CLSTN2: variants seen among roughly 807,000 people sequenced by gnomAD.
CLSTN2 encodes the protein calsyntenin 2.
In CLSTN2, 48 loss-of-function variants were observed where a neutral mutation model predicts 101.2. The observed-to-expected ratio is 0.47, with a 90% CI of 0.38 to 0.60. The LOEUF is 0.60. CLSTN2 is among the 20% of genes least tolerant of loss of function. The pLI is 0.00. For synonymous variants in CLSTN2, 481 were observed against 463.6 expected (o/e 1.04, Z -0.48); for missense variants, 1,160 against 1,238.2 (o/e 0.94, Z 0.95).
At chr3:140,117,618 C>T (rs977865576) in intron 1 of CLSTN2, among the ~76,000 whole-genome samples, 1 of 152,182 alleles carries the variant, frequency 6.6e-6, no homozygotes, top group African/African-American at 2.4e-5. Context: ...ACAATACTTA[C>T]TGTTGTCTGC....
At chr3:140,217,467 C>T (rs1187675369) in intron 2 of CLSTN2, among the ~76,000 whole-genome samples, 2 of 152,052 alleles carry the variant, frequency 1.3e-5, no homozygotes, top group Non-Finnish European at 2.9e-5. Context: ...TTTCCGAGAT[C>T]CAGGAAAAAC....
chr3:140,458,184 G>C (rs966007723), intron 6 of CLSTN2, among the ~76,000 whole-genome samples: 4 of 112,252 alleles, frequency 3.6e-5, no homozygotes, highest in Admixed American at 9.1e-5. Flanking sequence ...TTTTTTTTTT[G>C]TAGTGGCTGA....
chr3:140,215,111 T>C (rs1559808577), intron 2 of CLSTN2, among the ~76,000 whole-genome samples: 1 of 152,230 alleles, frequency 6.6e-6, no homozygotes, highest in Admixed American at 6.5e-5. Flanking sequence ...TTTACTCTGA[T>C]GTATGACTGG....
In CLSTN2 at chr3:140,563,981, G is replaced by A. The variant is rs1250252435; in HGVS notation, c.2503G>A (p.Val835Met). 7.4e-6 allele frequency: 12 copies of A among 1,614,014 alleles called. No individual in the cohort carries two copies. Among genetic ancestry groups the A allele is most frequent in the Non-Finnish European group, 1.0e-5 (12 of 1,180,006 alleles). ...HSSVVPSIAT[V>M]VIIISVCMLV... The stretch of plus-strand genomic sequence containing the variant: ...TCCAGTGGTCCCAAGCATTGCCACA[G>A]TGGTCATCATCATCTCCGTGTGCAT... The change falls in exon 16 of 17, where the codon GTG becomes ATG. Residue 835 changes from valine to methionine, a missense_variant. Transcript: ENST00000458420.
intron 2 of CLSTN2, among the ~76,000 whole-genome samples, chr3:140,402,353 T>G (rs1299271350): frequency 6.6e-6 from 1 of 152,242 alleles, no homozygotes; most frequent in Non-Finnish European, 1.5e-5. Context: ...GTTTAATACT[T>G]AGCTTTAGCT....
At chr3:140,138,752 C>T (rs1281344846) in intron 1 of CLSTN2, among the ~76,000 whole-genome samples, 2 of 152,180 alleles carry the variant, frequency 1.3e-5, no homozygotes, top group Non-Finnish European at 2.9e-5. Context: ...CCTGGTTGAG[C>T]CAGGCCTTCT....
intron 1 of CLSTN2, among the ~76,000 whole-genome samples, chr3:139,969,588 T>C (rs1935659697): frequency 6.6e-6 from 1 of 152,216 alleles, no homozygotes; most frequent in African/African-American, 2.4e-5. Context: ...CACCTGTCTT[T>C]CTAGCCCTGC....
At chr3:140,324,602 T>G (rs2087314214) in intron 2 of CLSTN2, among the ~76,000 whole-genome samples, 1 of 152,244 alleles carries the variant, frequency 6.6e-6, no homozygotes, top group African/African-American at 2.4e-5. Context: ...TTCCAAAATT[T>G]GTATGATTCA....
intron 2 of CLSTN2, among the ~76,000 whole-genome samples, chr3:140,384,412 G>A (rs1046809958): frequency 1.3e-5 from 2 of 152,192 alleles, no homozygotes; most frequent in African/African-American, 4.8e-5. Flanking sequence ...TCCCCTCCGA[G>A]TTTGATTTAA....
At chr3:140,073,243 G>T (rs541187022) in intron 1 of CLSTN2, among the ~76,000 whole-genome samples, 48 of 152,276 alleles carry the variant, frequency 3.2e-4, no homozygotes, top group African/African-American at 1.2e-3. Flanking sequence ...AATTGTAAAG[G>T]TATAGACGAG....
intron 8 of CLSTN2, among the ~76,000 whole-genome samples, chr3:140,494,287 G>A (rs949995805): frequency 5.3e-5 from 8 of 152,136 alleles, no homozygotes; most frequent in African/African-American, 1.7e-4. Context: ...CAGTGCAAAA[G>A]TTTATGACGT....
At chr3:140,211,609 T>C (rs1023179268) in intron 2 of CLSTN2, among the ~76,000 whole-genome samples, 3 of 151,322 alleles carry the variant, frequency 2.0e-5, no homozygotes, top group African/African-American at 7.3e-5. Flanking sequence ...AACATATTCA[T>C]TTAATCCTCT....
At chr3:140,382,872 T>C (rs1015642502) in intron 2 of CLSTN2, among the ~76,000 whole-genome samples, 13 of 150,252 alleles carry the variant, frequency 8.7e-5, no homozygotes, top group African/African-American at 2.9e-4. Context: ...TCTGCCCTTA[T>C]GTCCCAGTCA....
intron 1 of CLSTN2, among the ~76,000 whole-genome samples, chr3:139,959,780 T>A (rs1935471926): frequency 6.6e-6 from 1 of 152,082 alleles, no homozygotes; most frequent in Non-Finnish European, 1.5e-5. Context: ...ACCCATGGCT[T>A]TAAATACAAC....
chr3:140,234,773 C>CA (rs1363293443), intron 2 of CLSTN2, among the ~76,000 whole-genome samples: 2 of 152,204 alleles, frequency 1.3e-5, no homozygotes, highest in Non-Finnish European at 2.9e-5. Context: ...CTTCTGTCCC[C>CA]ATTGACAGGT....
chr3:140,242,161 C>G (rs1441613206), intron 2 of CLSTN2, among the ~76,000 whole-genome samples: 2 of 152,128 alleles, frequency 1.3e-5, no homozygotes, highest in Non-Finnish European at 2.9e-5. Flanking sequence ...ATCTGCCCAC[C>G]TTGGCCTCCC....
chr3:140,350,115 A>G (rs954031966), intron 2 of CLSTN2, among the ~76,000 whole-genome samples: 3 of 152,242 alleles, frequency 2.0e-5, no homozygotes, highest in Admixed American at 2.0e-4. Context: ...TTGACAGCCC[A>G]CGTGATTCTG....
Position 140,562,325 on chromosome 3 carries a change from C to T in CLSTN2, c.2212+17C>T, listed in dbSNP as rs1487145663. The T allele has an allele frequency of 6.2e-7, 1 of 1,603,772 alleles. No homozygotes were observed. The highest frequency in any genetic ancestry group is 1.1e-5 in the South Asian group (1 of 89,978). On this transcript the variant is annotated intron_variant, in intron 13 of 16. Transcript: ENST00000458420. ...CCATCTACGGTAAGGCCACACTCAGCCCCCTTTGCCCCAAGGGTGTCCTCT... is the reference window on the plus strand; with the variant it reads ...CCATCTACGGTAAGGCCACACTCAGTCCCCTTTGCCCCAAGGGTGTCCTCT...
intron 2 of CLSTN2, among the ~76,000 whole-genome samples, chr3:140,230,414 G>C (rs1400810276): frequency 6.6e-6 from 1 of 152,196 alleles, no homozygotes; most frequent in Admixed American, 6.5e-5. Context: ...AATATGGCCT[G>C]TATGTTCTGA....
Sources: allele counts gnomAD v4.1 joint callset (sites outside exome capture counted in the v4.1 genomes callset), GRCh38; gene constraint gnomAD v4.1.1; transcripts MANE v1.5; gene names NCBI Gene and HGNC (gene_info 2026-07-23, HGNC 2026-07-21).